USH2A: variants seen among roughly 807,000 people sequenced by gnomAD.
The protein encoded by USH2A is Usher syndrome 2A (autosomal recessive, mild).
In USH2A, 443 loss-of-function variants were observed where a neutral mutation model predicts 538.9. That is an observed-to-expected ratio of 0.82 (90% CI 0.76 to 0.89). USH2A has a LOEUF of 0.89. Among genes scored for constraint, USH2A ranks in the 40% least tolerant of loss-of-function variants. The probability of loss-of-function intolerance (pLI) is 0.00; values close to 1 mark genes in which losing one functional copy is unlikely to be tolerated. For missense variants in USH2A, 6,633 were observed against 6,324.8 expected, an observed-to-expected ratio of 1.05 and a Z score of -1.65; for synonymous variants, 2,413 against 2,273.5, an observed-to-expected ratio of 1.06 and a Z score of -1.75.
At chr1:216,170,403 A>G (rs908428472) in intron 21 of USH2A, among the ~76,000 whole-genome samples, 2 of 152,128 alleles carry the variant, frequency 1.3e-5, no homozygotes, top group African/African-American at 4.8e-5. Context: ...AACTGTATAG[A>G]GTTCTCATCT....
intron 32 of USH2A, among the ~76,000 whole-genome samples, chr1:216,010,576 G>A (rs973855230): frequency 1.3e-5 from 2 of 151,694 alleles, no homozygotes; most frequent in African/African-American, 2.4e-5. Flanking sequence ...TAATCAATAC[G>A]GAGGCTACTC....
chr1:215,674,045 C>T (rs1166316080), intron 63 of USH2A, 55 bp downstream of exon 63: 1 of 1,613,066 alleles, frequency 6.2e-7, no homozygotes, highest in African/African-American at 1.3e-5. Context: ...AGGGCTCAGG[C>T]AATAGAAAGG....
intron 44 of USH2A, among the ~76,000 whole-genome samples, chr1:215,856,357 A>C (rs11120671): frequency 0.15 from 22,623 of 152,006 alleles, 1,940 homozygotes; most frequent in African/African-American, 0.24. Flanking sequence ...ACAAACAATC[A>C]AGTCAAAAAG....
chr1:215,682,867 T>TTTA (rs1472205369), intron 61 of USH2A, among the ~76,000 whole-genome samples: 1 of 151,758 alleles, frequency 6.6e-6, no homozygotes, highest in African/African-American at 2.4e-5. Context: ...ATTTATTTAA[T>TTTA]TTATTATTAT....
chr1:216,119,995 T>TA (rs1558268400), intron 21 of USH2A, among the ~76,000 whole-genome samples: 1 of 152,016 alleles, frequency 6.6e-6, no homozygotes, highest in Non-Finnish European at 1.5e-5. Flanking sequence ...TGTTTTTTTT[T>TA]ATTGAAAAAG....
chr1:216,198,231 A>G (rs2034895295), intron 18 of USH2A, 84 bp downstream of exon 18: 10 of 1,593,892 alleles, frequency 6.3e-6, no homozygotes, highest in Non-Finnish European at 6.8e-6. Flanking sequence ...TTCAAAATGT[A>G]CTTTCACAGT....
chr1:216,195,188 G>A (rs1272401582), intron 19 of USH2A, among the ~76,000 whole-genome samples: 2 of 152,068 alleles, frequency 1.3e-5, no homozygotes, highest in East Asian at 3.9e-4. Flanking sequence ...GAGGTTAGAA[G>A]GGCCCAACAG....
intron 14 of USH2A, among the ~76,000 whole-genome samples, chr1:216,231,499 C>T (rs1000602448): frequency 6.6e-6 from 1 of 150,492 alleles, no homozygotes; most frequent in African/African-American, 2.4e-5. Flanking sequence ...GATTAGCATA[C>T]ATTAAGTAAA....
intron 32 of USH2A, among the ~76,000 whole-genome samples, chr1:216,003,041 A>G (rs2102485303): frequency 6.6e-6 from 1 of 152,166 alleles, no homozygotes; most frequent in Non-Finnish European, 1.5e-5. Flanking sequence ...TTCCTGAAGC[A>G]ATTAGTTCAG....
intron 38 of USH2A, among the ~76,000 whole-genome samples, chr1:215,924,583 T>C (rs1273324081): frequency 6.7e-6 from 1 of 150,058 alleles, no homozygotes; most frequent in Non-Finnish European, 1.5e-5. Flanking sequence ...GCTTTTAGAC[T>C]GCAGTGTCAG....
At chr1:215,822,429 T>C (rs1663037348) in intron 47 of USH2A, among the ~76,000 whole-genome samples, 2 of 152,012 alleles carry the variant, frequency 1.3e-5, no homozygotes, top group Non-Finnish European at 2.9e-5. Context: ...GATTGCTTGC[T>C]GTTGGTGTAT....
chr1:215,850,061 C>G (rs1290466253), intron 44 of USH2A, among the ~76,000 whole-genome samples: 1 of 151,868 alleles, frequency 6.6e-6, no homozygotes, highest in Non-Finnish European at 1.5e-5. Flanking sequence ...ATCCAGAACT[C>G]AAGATTGGGA....
chr1:215,923,415 G>A (rs1188205245), intron 38 of USH2A, among the ~76,000 whole-genome samples: 2 of 152,032 alleles, frequency 1.3e-5, no homozygotes, highest in Non-Finnish European at 2.9e-5. Context: ...TCTTTGAGGG[G>A]CAACATGGCT....
intron 16 of USH2A, among the ~76,000 whole-genome samples, chr1:216,205,175 G>T (rs980517794): frequency 6.6e-6 from 1 of 152,138 alleles, no homozygotes; most frequent in Non-Finnish European, 1.5e-5. Flanking sequence ...AAAGTAGGGT[G>T]ACCCTAATTC....
At chr1:215,935,021 C>T (rs895623038) in intron 37 of USH2A, among the ~76,000 whole-genome samples, 1 of 151,914 alleles carries the variant, frequency 6.6e-6, no homozygotes, top group Non-Finnish European at 1.5e-5. Flanking sequence ...TTCATCACGG[C>T]AATCGAAATA....
At chr1:215,690,242 CAG>C (rs1658558042) in intron 61 of USH2A, among the ~76,000 whole-genome samples, 1 of 152,158 alleles carries the variant, frequency 6.6e-6, no homozygotes, top group South Asian at 2.1e-4. Context: ...GGTAGCTAAA[CAG>C]AGGAGTTGCT....
At chr1:216,319,992 C>T (rs1217699524) in intron 9 of USH2A, among the ~76,000 whole-genome samples, 1 of 152,132 alleles carries the variant, frequency 6.6e-6, no homozygotes, top group African/African-American at 2.4e-5. Flanking sequence ...TGAGACAGTG[C>T]TACCATCTGA....
At chr1:215,732,244 A>G (rs896913900) in intron 60 of USH2A, among the ~76,000 whole-genome samples, 2 of 152,202 alleles carry the variant, frequency 1.3e-5, no homozygotes, top group East Asian at 1.9e-4. Context: ...TGGTGTGAGT[A>G]GAGACTTGGC....
intron 21 of USH2A, among the ~76,000 whole-genome samples, chr1:216,134,061 T>C (rs2102604636): frequency 6.6e-6 from 1 of 152,162 alleles, no homozygotes; most frequent in East Asian, 1.9e-4. Context: ...TAATACAGAG[T>C]CTTTTTGACT....
Sources: gnomAD v4.1 joint callset for allele counts (sites outside exome capture counted in the v4.1 genomes callset) on GRCh38, gnomAD v4.1.1 for gene constraint, MANE v1.5 for transcripts, NCBI Gene and HGNC (gene_info 2026-07-23, HGNC 2026-07-21) for gene names.